Variants in SNX31 observed in about 807,000 individuals in gnomAD.
SNX31 encodes sorting nexin-31.
A neutral mutation model predicts 65.4 loss-of-function variants in SNX31; 58 were observed. That is an observed-to-expected ratio of 0.89 (90% CI 0.72 to 1.10). SNX31 has a LOEUF of 1.10. Ranked by LOEUF, SNX31 falls within the 50% of genes least tolerant of loss-of-function variation. SNX31 has a pLI of 0.00. For synonymous variants in SNX31, 181 were observed against 190.1 expected, an observed-to-expected ratio of 0.95 and a Z score of 0.39; for missense variants, 523 against 529.7, an observed-to-expected ratio of 0.99 and a Z score of 0.12.
chr8:100,580,153 C>CT (rs1174969481), intron 12 of SNX31, among the ~76,000 whole-genome samples: 43 of 93,794 alleles, frequency 4.6e-4, no homozygotes, highest in African/African-American at 2.1e-3. Flanking sequence ...CAGAGCCTGT[C>CT]TTTAAAAAAA....
At chr8:100,591,353 C>T (rs1409951828) in intron 10 of SNX31, among the ~76,000 whole-genome samples, 1 of 151,994 alleles carries the variant, frequency 6.6e-6, no homozygotes, top group Non-Finnish European at 1.5e-5. Context: ...TTCATCAAGG[C>T]GGGCAGGCGC....
intron 9 of SNX31, among the ~76,000 whole-genome samples, chr8:100,599,730 C>A (rs1815439725): frequency 6.6e-6 from 1 of 152,202 alleles, no homozygotes. Context: ...GCCATTTCTT[C>A]TGTTAAAATA....
chr8:100,621,008 G>T (rs1817643538), intron 4 of SNX31, among the ~76,000 whole-genome samples: 1 of 152,168 alleles, frequency 6.6e-6, no homozygotes, highest in Middle Eastern at 3.2e-3. Flanking sequence ...GCCAGGCATG[G>T]TGGTGGATAC....
intron 1 of SNX31, 26 bp downstream of exon 1, chr8:100,649,423 C>T (rs375843998): frequency 1.3e-6 from 2 of 1,591,932 alleles, no homozygotes; most frequent in African/African-American, 1.3e-5. Context: ...CCTCCCTGCC[C>T]ACCCTGACCC....
chr8:100,653,011 AAC>A (rs149088325), upstream of SNX31, among the ~76,000 whole-genome samples: 1 of 152,320 alleles, frequency 6.6e-6, no homozygotes, highest in Non-Finnish European at 1.5e-5. Flanking sequence ...ATTTTGAGCA[AAC>A]ACAGAAAGGG....
At chr8:100,577,117 A>T (rs1301871900) in intron 12 of SNX31, 42 bp from the exon 13 acceptor site, 1 of 1,532,904 alleles carries the variant, frequency 6.5e-7, no homozygotes, top group African/African-American at 1.4e-5. Flanking sequence ...AGCCCAGAGA[A>T]GCAAGCACAC....
intron 8 of SNX31, among the ~76,000 whole-genome samples, chr8:100,601,545 T>C (rs1440658653): frequency 6.6e-6 from 1 of 152,252 alleles, no homozygotes; most frequent in Non-Finnish European, 1.5e-5. Context: ...ATCTGGTTGA[T>C]TTAAGATTTG....
chr8:100,631,440 T>A (rs1459598684), intron 3 of SNX31, among the ~76,000 whole-genome samples: 1 of 129,492 alleles, frequency 7.7e-6, no homozygotes, highest in Non-Finnish European at 1.8e-5. Flanking sequence ...TGTTTTACTT[T>A]TTTTTTTTTT....
intron 9 of SNX31, among the ~76,000 whole-genome samples, chr8:100,598,932 C>T (rs1274749714): frequency 6.6e-6 from 1 of 152,224 alleles, no homozygotes; most frequent in African/African-American, 2.4e-5. Context: ...CCATGGACCA[C>T]AGCCTTTCTC....
At chr8:100,606,452 T>G (rs1816168684) in intron 8 of SNX31, among the ~76,000 whole-genome samples, 1 of 152,220 alleles carries the variant, frequency 6.6e-6, no homozygotes, top group Non-Finnish European at 1.5e-5. Context: ...TGATTTGCCC[T>G]CTTAGAATTT....
intron 4 of SNX31, among the ~76,000 whole-genome samples, chr8:100,620,737 C>T (rs1817621453): frequency 6.6e-6 from 1 of 152,174 alleles, no homozygotes; most frequent in Non-Finnish European, 1.5e-5. Context: ...CTCATAACAA[C>T]TCCATGAGGC....
rs941199923 is a variant in SNX31, at chr8:100,608,335, C to A, written c.681+159G>T. ...CAATAACAACTTCTTCTCCACCCCCCACAGCCCCTGGTAATCTCTGTTCTA... is the reference window on the plus strand; with the variant it reads ...CAATAACAACTTCTTCTCCACCCCCAACAGCCCCTGGTAATCTCTGTTCTA... On this transcript the variant is annotated intron_variant, in intron 8 of 13. Coordinates refer to ENST00000311812, the MANE Select transcript of SNX31 (RefSeq NM_152628.4). 4.6e-5 allele frequency among the ~76,000 whole-genome samples: 7 copies of A among 152,206 alleles called. No homozygotes were observed. The East Asian group carries it at 7.7e-4, about 17-fold the overall frequency.
intron 12 of SNX31, among the ~76,000 whole-genome samples, chr8:100,577,312 T>C (rs1813127477): frequency 6.6e-6 from 1 of 152,248 alleles, no homozygotes; most frequent in Non-Finnish European, 1.5e-5. Context: ...ACATTAGTGG[T>C]TGCCTATGGA....
rs1816954549 is a variant in SNX31, at chr8:100,614,026, T to C, written c.433-941A>G. Among the ~76,000 whole-genome samples the C allele has an allele frequency of 6.6e-6, 1 of 152,188 alleles. No individual in the cohort carries two copies. The highest frequency in any genetic ancestry group is 2.4e-5 in the African/African-American group (1 of 41,446). On this transcript the variant is annotated intron_variant, in intron 5 of 13. Coordinates refer to ENST00000311812, the MANE Select transcript of SNX31 (RefSeq NM_152628.4). This position sits in a 1 kb window ranked among gnomAD's most constrained non-coding sequence, Gnocchi z 5.1. ...ACAAATACCAGGCTCACAGGGGGCC[T>C]TCTCTTGTCAGAGATACATAAATTA...
chr8:100,662,629 A>G (rs549993469), intron 1 of SNX31, among the ~76,000 whole-genome samples: 39 of 152,314 alleles, frequency 2.6e-4, no homozygotes, highest in African/African-American at 9.1e-4. Flanking sequence ...CCCAGGAGGC[A>G]GAGGTTGCAG....
chr8:100,609,965 C>T lies in SNX31; in HGVS notation c.612-1402G>A, dbSNP rs1273974572. Among the ~76,000 whole-genome samples, 1 of 152,204 alleles carries T rather than the reference C, an allele frequency of 6.6e-6. No individual in the cohort carries two copies. Among genetic ancestry groups the T allele is most frequent in the African/African-American group, 2.4e-5 (1 of 41,458 alleles). On this transcript the variant is annotated intron_variant, in intron 7 of 13. Coordinates refer to ENST00000311812, the MANE Select transcript of SNX31 (RefSeq NM_152628.4). The surrounding 1 kb of genome is among the most constrained non-coding windows in gnomAD (Gnocchi z 4.9). The stretch of plus-strand genomic sequence containing the variant: ...AGACGCCACTTAGGCCTCACTGAGG[C>T]TTCACCTGCTGGGAATCACTCAGCT...
rs544330145 is a variant in SNX31 at position 100,648,252 on chromosome 8, C to A, written c.141+1022G>T. 1.1e-4 allele frequency among the ~76,000 whole-genome samples: 17 copies of A among 150,654 alleles called. No individual in the cohort carries two copies. The highest frequency in any genetic ancestry group is 1.0e-3 in the South Asian group (5 of 4,788). On this transcript the variant is annotated intron_variant, in intron 2 of 13. Transcript: ENST00000311812. This position sits in a 1 kb window ranked among gnomAD's most constrained non-coding sequence, Gnocchi z 4.3. ...GAAACCCAGAGACTGTCTGAAAAAA[C>A]TCTCTCAAAACAAGCAAACAAACAA...
chr8:100,642,378 T>G (rs1203206725), intron 2 of SNX31, among the ~76,000 whole-genome samples: 1 of 152,246 alleles, frequency 6.6e-6, no homozygotes, highest in Non-Finnish European at 1.5e-5. Flanking sequence ...GAATCAGTTC[T>G]AATCACAGCA....
rs1312519927 is a variant in SNX31, at chr8:100,588,445, C to T, written c.1092+421G>A. ...GGGGTTGGCAAACAAGGCCAGACCA[C>T]CATCTGTTTCTATAAATAAAGTTTT... is the stretch of plus-strand genomic sequence containing the variant. On this transcript the variant is annotated intron_variant, in intron 11 of 13. Coordinates refer to ENST00000311812, the MANE Select transcript of SNX31 (RefSeq NM_152628.4). The surrounding 1 kb of genome is among the most constrained non-coding windows in gnomAD (Gnocchi z 4.8). Among the ~76,000 whole-genome samples, 1 of 152,180 alleles carries T rather than the reference C, an allele frequency of 6.6e-6. No homozygotes were observed. The highest frequency in any genetic ancestry group is 1.9e-4 in the East Asian group (1 of 5,200).
Sources: allele counts gnomAD v4.1 joint callset (sites outside exome capture counted in the v4.1 genomes callset), GRCh38; gene constraint gnomAD v4.1.1; non-coding constraint Gnocchi (gnomAD v3.1); transcripts MANE v1.5; gene names NCBI Gene and HGNC (gene_info 2026-07-23, HGNC 2026-07-21).